Variants in CYRIA observed in about 807,000 individuals in gnomAD.
CYRIA encodes CYFIP-related Rac1 interactor A.
A neutral mutation model predicts 43.9 loss-of-function variants in CYRIA; 15 were observed. The ratio of observed to expected loss-of-function variants is 0.34; its 90% confidence interval spans 0.23 to 0.53. CYRIA has a LOEUF of 0.53. Ranked by LOEUF, CYRIA falls within the 20% of genes least tolerant of loss-of-function variation. The pLI is 0.94. For missense variants in CYRIA, 236 were observed against 394.2 expected, an observed-to-expected ratio of 0.60 and a Z score of 3.40; for synonymous variants, 117 against 136.0, an observed-to-expected ratio of 0.86 and a Z score of 0.97.
chr2:16,579,931 T>A (rs1471468982), intron 3 of CYRIA, among the ~76,000 whole-genome samples: 1 of 151,626 alleles, frequency 6.6e-6, no homozygotes, highest in Non-Finnish European at 1.5e-5. Context: ...GTAAATGGAC[T>A]AAGTATTCAA....
intron 1 of CYRIA, among the ~76,000 whole-genome samples, chr2:16,647,419 C>T (rs561202178): frequency 2.1e-4 from 32 of 152,238 alleles, no homozygotes; most frequent in Admixed American, 4.6e-4. Context: ...TGTGAGCCAC[C>T]TGATTGATTA....
intron 4 of CYRIA, among the ~76,000 whole-genome samples, chr2:16,564,576 G>A (rs1333108003): frequency 4.6e-5 from 7 of 152,046 alleles, no homozygotes; most frequent in South Asian, 4.1e-4. Context: ...TAGAAACTCC[G>A]CCTTGTCTGA....
intron 1 of CYRIA, among the ~76,000 whole-genome samples, chr2:16,635,513 G>A (rs748750566): frequency 5.3e-5 from 8 of 152,156 alleles, no homozygotes; most frequent in East Asian, 1.9e-4. Context: ...AAAAGTAAAC[G>A]TGTCTAGTTG....
intron 2 of CYRIA, among the ~76,000 whole-genome samples, chr2:16,618,784 C>T (rs1229070962): frequency 3.3e-5 from 5 of 152,176 alleles, no homozygotes; most frequent in Non-Finnish European, 7.3e-5. Flanking sequence ...TGTGAGCGGA[C>T]CCCCGAAGGG....
At chr2:16,648,439 C>A (rs1212157865) in intron 1 of CYRIA, among the ~76,000 whole-genome samples, 2 of 152,142 alleles carry the variant, frequency 1.3e-5, no homozygotes, top group East Asian at 3.8e-4. Flanking sequence ...AAGGCCACTG[C>A]CCATCAACAA....
At chr2:16,622,638 A>G (rs1007570012) in intron 2 of CYRIA, among the ~76,000 whole-genome samples, 1 of 152,228 alleles carries the variant, frequency 6.6e-6, no homozygotes, top group Non-Finnish European at 1.5e-5. Flanking sequence ...TCCCTACCTT[A>G]CAGGTGGGGA....
chr2:16,573,691 T>G (rs1416559468), intron 3 of CYRIA, among the ~76,000 whole-genome samples: 1 of 152,172 alleles, frequency 6.6e-6, no homozygotes, highest in African/African-American at 2.4e-5. Context: ...CTGATGGTTT[T>G]ATAAAGAGGA....
intron 2 of CYRIA, among the ~76,000 whole-genome samples, chr2:16,605,455 T>C (rs147843755): frequency 2.0e-5 from 3 of 152,302 alleles, no homozygotes; most frequent in Non-Finnish European, 4.4e-5. Flanking sequence ...ATCAAGAACA[T>C]GCTTATGAGG....
At chr2:16,575,596 T>C (rs902372443) in intron 3 of CYRIA, among the ~76,000 whole-genome samples, 2 of 151,974 alleles carry the variant, frequency 1.3e-5, no homozygotes, top group South Asian at 2.1e-4. Context: ...TGGCTCATGC[T>C]TGTAATCCCA....
intron 2 of CYRIA, among the ~76,000 whole-genome samples, chr2:16,619,958 G>T (rs988314786): frequency 6.6e-6 from 1 of 152,204 alleles, no homozygotes; most frequent in African/African-American, 2.4e-5. Context: ...TTCCTGGGCA[G>T]AGAACACATT....
At chr2:16,646,712 G>A (rs1669830316) in intron 1 of CYRIA, among the ~76,000 whole-genome samples, 1 of 152,214 alleles carries the variant, frequency 6.6e-6, no homozygotes, top group Non-Finnish European at 1.5e-5. Flanking sequence ...GGTATCTGTG[G>A]AAGAAATTAA....
At chr2:16,560,588 G>C (rs1053541224) in intron 9 of CYRIA, 1 of 193,190 alleles carries the variant, frequency 5.2e-6, no homozygotes, top group Non-Finnish European at 1.1e-5. Flanking sequence ...GAGAGAAAGA[G>C]AGAGACCTCC....
intron 3 of CYRIA, among the ~76,000 whole-genome samples, chr2:16,585,934 G>A (rs1486465987): frequency 6.6e-6 from 1 of 152,028 alleles, no homozygotes; most frequent in Non-Finnish European, 1.5e-5. Context: ...CAATAATACT[G>A]CATTTATTTT....
At chr2:16,607,778 G>A (rs1668459266) in intron 2 of CYRIA, among the ~76,000 whole-genome samples, 2 of 151,996 alleles carry the variant, frequency 1.3e-5, no homozygotes, top group African/African-American at 4.8e-5. Context: ...CGTATTTTTA[G>A]TAGAGACAGG....
rs562032974 is a variant in CYRIA, at chr2:16,559,992, G to A, written c.711-406C>T. ...CGGAGCAGCTATCATGTCTCCAGTC[G>A]GAGTAACTTCCTTTGTTAAAACACA... is the stretch of plus-strand genomic sequence containing the variant. On this transcript the variant is annotated intron_variant, in intron 9 of 11. Transcript: ENST00000381323. Among the ~76,000 whole-genome samples, 213 of 152,224 alleles carry A rather than the reference G, an allele frequency of 1.4e-3. 1 individual carries two copies. The highest frequency in any genetic ancestry group is 2.6e-3 in the Non-Finnish European group (179 of 67,998).
intron 2 of CYRIA, among the ~76,000 whole-genome samples, chr2:16,616,074 G>A (rs1361641039): frequency 1.3e-5 from 2 of 152,192 alleles, no homozygotes; most frequent in East Asian, 3.9e-4. Flanking sequence ...GTCTTTGTCA[G>A]GTCCCTCAAG....
At chr2:16,610,859 C>T (rs181297363) in intron 2 of CYRIA, among the ~76,000 whole-genome samples, 1 of 138,442 alleles carries the variant, frequency 7.2e-6, no homozygotes, top group Admixed American at 7.9e-5. Flanking sequence ...ATCCTTGGCA[C>T]TTGCCTCAAA....
At chr2:16,563,860 T>C (rs1666834563) in intron 5 of CYRIA, 129 bp downstream of exon 5, 3 of 615,412 alleles carry the variant, frequency 4.9e-6, no homozygotes, top group Non-Finnish European at 8.5e-6. Flanking sequence ...TGCTCATAAA[T>C]GGCCTCTCAT....
In CYRIA at chr2:16,588,251, G is replaced by A. The variant is rs927533661; in HGVS notation, c.-10-122C>T. The A allele has an allele frequency of 9.7e-4, 559 of 573,786 alleles. 3 individuals carry two copies. The highest frequency in any genetic ancestry group is 1.6e-3 in the Middle Eastern group (6 of 3,712). The allele number at this position is 573,786 out of a possible 1,614,324, so 35.5% of individuals were successfully genotyped here. On this transcript the variant is annotated intron_variant, in intron 2 of 11. Coordinates refer to ENST00000381323, the MANE Select transcript of CYRIA (RefSeq NM_030797.4). ...CAGAAAGAGAGCATCTCCAACCCAGGGGTTGAGCAATAATGTAGCAACTCA... is the reference window on the plus strand; with the variant it reads ...CAGAAAGAGAGCATCTCCAACCCAGAGGTTGAGCAATAATGTAGCAACTCA...
Sources: allele counts gnomAD v4.1 joint callset (sites outside exome capture counted in the v4.1 genomes callset), GRCh38; gene constraint gnomAD v4.1.1; transcripts MANE v1.5; gene names NCBI Gene and HGNC (gene_info 2026-07-23, HGNC 2026-07-21).